CACNA1C: variants seen among roughly 807,000 people sequenced by gnomAD.
CACNA1C encodes calcium voltage-gated channel subunit alpha1 C.
In CACNA1C, 30 loss-of-function variants were observed where a neutral mutation model predicts 229.0. The ratio of observed to expected loss-of-function variants is 0.13; its 90% CI spans 0.10 to 0.18. The LOEUF (loss-of-function observed/expected upper bound fraction) is 0.18. CACNA1C is among the 10% of genes least tolerant of loss of function. The probability of loss-of-function intolerance (pLI) is 1.00; values close to 1 mark genes in which losing one functional copy is unlikely to be tolerated. For missense variants in CACNA1C, 1,658 were observed against 2,845.0 expected, an observed-to-expected ratio of 0.58 and a Z score of 9.49; for synonymous variants, 1,114 against 1,132.5, an observed-to-expected ratio of 0.98 and a Z score of 0.33.
intron 34 of CACNA1C, among the ~76,000 whole-genome samples, chr12:2,658,271 A>G (rs2095524360): frequency 1.3e-5 from 2 of 152,218 alleles, no homozygotes; most frequent in South Asian, 4.1e-4. Context: ...AATTAGCCAT[A>G]AAAACAAAAA....
intron 3 of CACNA1C, among the ~76,000 whole-genome samples, chr12:2,393,021 G>A (rs1479725612): frequency 5.3e-5 from 8 of 152,062 alleles, no homozygotes; most frequent in African/African-American, 1.7e-4. Context: ...AAGTACTGTC[G>A]TGCACTTCAA....
intron 21 of CACNA1C, among the ~76,000 whole-genome samples, chr12:2,599,075 A>T (rs1374961992): frequency 2.0e-5 from 3 of 152,170 alleles, no homozygotes; most frequent in Non-Finnish European, 4.4e-5. Context: ...CTGAGGCCCA[A>T]TTCTCAGTGC....
intron 3 of CACNA1C, among the ~76,000 whole-genome samples, chr12:2,178,394 A>T (rs570555273): frequency 1.1e-4 from 16 of 152,306 alleles, no homozygotes; most frequent in African/African-American, 3.8e-4. Flanking sequence ...TTTGCATGGG[A>T]TGAACCTAAC....
chr12:2,390,365 C>T lies in CACNA1C; in HGVS notation c.478-58611C>T, dbSNP rs575945707. ...GTGATGAGTAATGGGGGACAGAACCCGAGAGACTCTTTTTTGGCTAGTGCT... is the reference window on the plus strand; with the variant it reads ...GTGATGAGTAATGGGGGACAGAACCTGAGAGACTCTTTTTTGGCTAGTGCT... On this transcript the variant is annotated intron_variant, in intron 3 of 46. Transcript: ENST00000399655. Among the ~76,000 whole-genome samples the T allele has an allele frequency of 5.3e-5, 8 of 152,232 alleles. No individual in the cohort carries two copies. In the East Asian group the frequency reaches 5.8e-4, roughly 11 times the overall value.
chr12:2,581,466 G>A (rs2060477056), intron 13 of CACNA1C, 124 bp from the exon 14 acceptor site: 5 of 838,642 alleles, frequency 6.0e-6, no homozygotes, highest in Non-Finnish European at 9.1e-6. Context: ...TCCCCCACGG[G>A]CAGGGAAAAA....
At chr12:2,619,635 C>T (rs182868467) in intron 29 of CACNA1C, among the ~76,000 whole-genome samples, 1 of 152,072 alleles carries the variant, frequency 6.6e-6, no homozygotes, top group Admixed American at 6.5e-5. Context: ...ACCCATTAGT[C>T]GGCTTTTCAA....
intron 1 of CACNA1C, among the ~76,000 whole-genome samples, chr12:2,040,190 T>C (rs1403997999): frequency 6.6e-6 from 1 of 152,170 alleles, no homozygotes; most frequent in Non-Finnish European, 1.5e-5. Context: ...TTTTTAACAT[T>C]CATGATTTGG....
chr12:2,562,612 G>A (rs779741096), intron 11 of CACNA1C, among the ~76,000 whole-genome samples: 2 of 152,206 alleles, frequency 1.3e-5, no homozygotes, highest in African/African-American at 2.4e-5. Flanking sequence ...AGGACCATCT[G>A]GGACTCATTG....
chr12:2,158,802 G>A (rs1174366774), intron 3 of CACNA1C, among the ~76,000 whole-genome samples: 1 of 152,214 alleles, frequency 6.6e-6, no homozygotes, highest in African/African-American at 2.4e-5. Context: ...AGCTATTGGA[G>A]TTCTTCACCA....
chr12:2,624,098 A>G (rs1241775918), intron 29 of CACNA1C, among the ~76,000 whole-genome samples: 2 of 152,128 alleles, frequency 1.3e-5, no homozygotes, highest in African/African-American at 4.8e-5. Context: ...CAACCCTCCC[A>G]GGCTCATTGG....
chr12:2,255,268 GAAA>G (rs746929189), intron 3 of CACNA1C, among the ~76,000 whole-genome samples: 2 of 95,666 alleles, frequency 2.1e-5, no homozygotes, highest in African/African-American at 3.7e-5. Flanking sequence ...TTCTGCTGCA[GAAA>G]AAAAAAAAAA....
At chr12:2,416,614 C>T (rs2154554928) in intron 3 of CACNA1C, among the ~76,000 whole-genome samples, 1 of 152,332 alleles carries the variant, frequency 6.6e-6, no homozygotes, top group Non-Finnish European at 1.5e-5. Context: ...CTGGGCTCAA[C>T]CACCACGCTC....
intron 3 of CACNA1C, among the ~76,000 whole-genome samples, chr12:2,164,381 A>G (rs1436994108): frequency 1.3e-5 from 2 of 152,246 alleles, no homozygotes; most frequent in Admixed American, 6.5e-5. Context: ...TTTTGTTGCC[A>G]GGGCAAATCC....
At chr12:2,540,442 A>G (rs2099866896) in intron 9 of CACNA1C, among the ~76,000 whole-genome samples, 1 of 152,114 alleles carries the variant, frequency 6.6e-6, no homozygotes, top group South Asian at 2.1e-4. Context: ...GCCTCTGAGA[A>G]GGGATGAAAT....
chr12:2,201,524 G>A (rs190006598), intron 3 of CACNA1C, among the ~76,000 whole-genome samples: 2 of 152,330 alleles, frequency 1.3e-5, no homozygotes, highest in Admixed American at 6.5e-5. Flanking sequence ...GACTGGAAAT[G>A]TCTTCCCTTA....
intron 1 of CACNA1C, among the ~76,000 whole-genome samples, chr12:1,976,808 G>A (rs750790592): frequency 9.2e-5 from 13 of 141,686 alleles, no homozygotes; most frequent in Non-Finnish European, 2.0e-4. Flanking sequence ...ACAATGTCTG[G>A]CACACAGCAG....
chr12:2,366,825 A>G (rs2097733185), intron 3 of CACNA1C, among the ~76,000 whole-genome samples: 1 of 152,188 alleles, frequency 6.6e-6, no homozygotes, highest in African/African-American at 2.4e-5. Context: ...CAGGAAATTT[A>G]CAATCATGGC....
At chr12:2,151,362 G>GAAA (rs537213554) in intron 3 of CACNA1C, among the ~76,000 whole-genome samples, 2 of 127,300 alleles carry the variant, frequency 1.6e-5, no homozygotes, top group African/African-American at 5.5e-5. Context: ...AGTGGTAGCT[G>GAAA]AAAAAAAAAA....
In CACNA1C at chr12:2,691,335, G is replaced by T; in HGVS notation, c.*136G>T. Reference sequence around the variant, plus strand: ...TCATTCATTTCTGTTGGGACCAGACGCGGAGCCTGGGTGCGCGAGCCGCCC... The same window carrying T: ...TCATTCATTTCTGTTGGGACCAGACTCGGAGCCTGGGTGCGCGAGCCGCCC... On this transcript the variant is annotated 3_prime_UTR_variant, in exon 47 of 47. Coordinates refer to ENST00000399655, the MANE Select transcript of CACNA1C (RefSeq NM_000719.7). The T allele has an allele frequency of 1.0e-6, 1 of 963,302 alleles. No homozygotes were observed. The highest frequency in any genetic ancestry group is 1.4e-6 in the Non-Finnish European group (1 of 721,322). 59.7% of individuals were successfully genotyped at this position (963,302 alleles called of 1,614,324 possible).
Sources: gnomAD v4.1 joint callset for allele counts (sites outside exome capture counted in the v4.1 genomes callset) on GRCh38, gnomAD v4.1.1 for gene constraint, MANE v1.5 for transcripts, NCBI Gene and HGNC (gene_info 2026-07-23, HGNC 2026-07-21) for gene names.